Variants in BANK1 observed in about 807,000 individuals in gnomAD.
BANK1 encodes the protein B-cell scaffold protein with ankyrin repeats.
BANK1 carries 95 observed loss-of-function variants against 94.5 expected under a neutral mutation model. The observed-to-expected ratio is 1.00, with a 90% CI of 0.85 to 1.19. The LOEUF is 1.19. BANK1 is among the 50% of genes most tolerant of loss of function. BANK1 has a pLI of 0.00. For missense variants in BANK1, 987 were observed against 932.2 expected (o/e 1.06, Z -0.77); for synonymous variants, 334 against 308.4 (o/e 1.08, Z -0.87).
chr4:102,028,183 G>A (rs972577615), intron 9 of BANK1, among the ~76,000 whole-genome samples: 4 of 152,110 alleles, frequency 2.6e-5, no homozygotes, highest in Non-Finnish European at 5.9e-5. Flanking sequence ...TCAGGAAATC[G>A]GTTCATAAAC....
intron 1 of BANK1, among the ~76,000 whole-genome samples, chr4:101,814,210 T>C (rs1394032403): frequency 1.3e-5 from 2 of 152,210 alleles, no homozygotes; most frequent in African/African-American, 2.4e-5. Flanking sequence ...ATCCCTAACT[T>C]ACATGCTTTA....
Position 101,934,424 on chromosome 4 carries a change from G to T in BANK1, c.1206+16235G>T, listed in dbSNP as rs544241410. ...GAATAGAGGGGAAATGATGACTGTG[G>T]TCACTGAAGGAGAAACTCTTCATCC... On this transcript the variant is annotated intron_variant, in intron 7 of 16. Coordinates refer to ENST00000322953, the MANE Select transcript of BANK1 (RefSeq NM_017935.5). 1.4e-4 allele frequency among the ~76,000 whole-genome samples: 21 copies of T among 151,466 alleles called. 1 individual carries two copies. In the South Asian group the frequency reaches 4.4e-3, roughly 32 times the overall value.
intron 11 of BANK1, among the ~76,000 whole-genome samples, chr4:102,044,941 C>T (rs531579212): frequency 0.021 from 2,853 of 137,942 alleles, 46 homozygotes; most frequent in African/African-American, 0.035. Context: ...AGCCCTTTGT[C>T]AGATGAGTAG....
chr4:101,881,226 A>G (rs1211726878), intron 5 of BANK1, among the ~76,000 whole-genome samples: 1 of 151,646 alleles, frequency 6.6e-6, no homozygotes, highest in Non-Finnish European at 1.5e-5. Context: ...AACCCTATGG[A>G]AAAAAAAATC....
chr4:101,946,764 C>T (rs1374914302), intron 7 of BANK1, among the ~76,000 whole-genome samples: 2 of 151,730 alleles, frequency 1.3e-5, no homozygotes, highest in African/African-American at 4.8e-5. Context: ...CTTTATTTCC[C>T]GAAAACAGAT....
intron 3 of BANK1, 62 bp downstream of exon 3, chr4:101,855,251 T>C: frequency 8.0e-6 from 12 of 1,508,392 alleles, no homozygotes; most frequent in Non-Finnish European, 1.1e-5. Context: ...GTGGTGGTTG[T>C]TGTTGTTTGG....
chr4:101,800,173 C>T (rs968220244), intron 1 of BANK1, among the ~76,000 whole-genome samples: 1 of 150,768 alleles, frequency 6.6e-6, no homozygotes, highest in Admixed American at 6.6e-5. Flanking sequence ...GGAGATATAT[C>T]TAATGTAAAT....
chr4:102,018,819 C>CTTTTTT (rs200697538), intron 7 of BANK1, among the ~76,000 whole-genome samples: 1 of 141,092 alleles, frequency 7.1e-6, no homozygotes, highest in South Asian at 2.2e-4. Flanking sequence ...TTCTTTCTTT[C>CTTTTTT]CTTTTTTTTT....
At chr4:101,940,594 T>C (rs1209651006) in intron 7 of BANK1, among the ~76,000 whole-genome samples, 1 of 151,826 alleles carries the variant, frequency 6.6e-6, no homozygotes, top group East Asian at 1.9e-4. Flanking sequence ...TTTCTCAGAC[T>C]TTCCTTGTGT....
intron 6 of BANK1, among the ~76,000 whole-genome samples, chr4:101,899,706 A>C (rs2148892694): frequency 6.6e-6 from 1 of 152,328 alleles, no homozygotes; most frequent in Middle Eastern, 3.4e-3. Context: ...GGAAAGAAGA[A>C]GGGAGAGAAA....
chr4:101,799,862 A>T (rs935250735), intron 1 of BANK1, among the ~76,000 whole-genome samples: 7 of 152,156 alleles, frequency 4.6e-5, no homozygotes, highest in Non-Finnish European at 5.9e-5. Flanking sequence ...TGACAGAGTG[A>T]GATTCCATCT....
At chr4:101,922,349 A>G (rs980507036) in intron 7 of BANK1, among the ~76,000 whole-genome samples, 6 of 151,746 alleles carry the variant, frequency 4.0e-5, no homozygotes, top group Non-Finnish European at 1.5e-5. Context: ...AATTCAGTAT[A>G]TATCCATGTT....
chr4:101,975,414 G>T (rs1328004636), intron 7 of BANK1, among the ~76,000 whole-genome samples: 2 of 152,100 alleles, frequency 1.3e-5, no homozygotes, highest in Admixed American at 6.6e-5. Flanking sequence ...TATTTCCTCT[G>T]GTCTTGAAGC....
At chr4:101,916,513 G>T (rs1722833561) in intron 6 of BANK1, among the ~76,000 whole-genome samples, 1 of 152,016 alleles carries the variant, frequency 6.6e-6, no homozygotes, top group South Asian at 2.1e-4. Context: ...AGTGAGCTAG[G>T]TTAATCTTTT....
intron 4 of BANK1, among the ~76,000 whole-genome samples, chr4:101,868,334 GAGAA>G (rs1728154895): frequency 6.6e-6 from 1 of 151,958 alleles, no homozygotes; most frequent in Admixed American, 6.6e-5. Context: ...ACTAATTTCA[GAGAA>G]AGAAGATTTT....
At chr4:101,824,334 G>A (rs1560588893) in intron 1 of BANK1, among the ~76,000 whole-genome samples, 1 of 152,318 alleles carries the variant, frequency 6.6e-6, no homozygotes. Context: ...TGGTGTCCAG[G>A]AAGATGTGGG....
chr4:102,030,215 G>C lies in BANK1; in HGVS notation c.1850G>C (p.Arg617Pro). The C allele has an allele frequency of 6.2e-7, 1 of 1,611,614 alleles. No homozygotes were observed. Among genetic ancestry groups the C allele is most frequent in the Non-Finnish European group, 8.5e-7 (1 of 1,179,308 alleles). ...AATAGACCTCCTGCCCCCACACCCC[G>C]ACCCACAAGTATACCTCCAAAAGAG... ...IINRPPAPTP[R>P]PTSIPPKEET... Residue 617 changes from arginine to proline, a missense_variant, in exon 10 of 17, where the codon CGA becomes CCA. Arg to Pro is a moderately radical substitution (Grantham distance 103). Transcript: ENST00000322953.
intron 1 of BANK1, among the ~76,000 whole-genome samples, chr4:101,822,892 C>T (rs1726226831): frequency 6.6e-6 from 1 of 152,042 alleles, no homozygotes; most frequent in East Asian, 1.9e-4. Context: ...TGGGATTACA[C>T]ATATGAGCCA....
chr4:101,830,468 A>G (rs1353221331), intron 2 of BANK1, among the ~76,000 whole-genome samples: 1 of 152,136 alleles, frequency 6.6e-6, no homozygotes, highest in African/African-American at 2.4e-5. Context: ...GGATGAGATC[A>G]TGGCAGAACA....
Sources: gnomAD v4.1 joint callset for allele counts (sites outside exome capture counted in the v4.1 genomes callset) on GRCh38, gnomAD v4.1.1 for gene constraint, MANE v1.5 for transcripts, NCBI Gene and HGNC (gene_info 2026-07-23, HGNC 2026-07-21) for gene names.